BMP7: variants seen among roughly 807,000 people sequenced by gnomAD.
BMP7 encodes osteogenic protein 1.
A neutral mutation model predicts 41.2 loss-of-function variants in BMP7; 12 were observed. The observed-to-expected ratio is 0.29, with a 90% CI of 0.19 to 0.47. The LOEUF is 0.47. Among genes scored for constraint, BMP7 ranks in the 20% least tolerant of loss-of-function variants. The pLI is 0.99. For synonymous variants in BMP7, 248 were observed against 250.0 expected (o/e 0.99, Z 0.07); for missense variants, 467 against 606.0 (o/e 0.77, Z 2.41).
At chr20:57,194,086 C>T (rs1241681836) in intron 3 of BMP7, among the ~76,000 whole-genome samples, 1 of 152,050 alleles carries the variant, frequency 6.6e-6, no homozygotes, top group Non-Finnish European at 1.5e-5. Flanking sequence ...CTGCAGGCTT[C>T]TCAGAAGTGT....
At chr20:57,216,580 T>C (rs560691101) in intron 2 of BMP7, among the ~76,000 whole-genome samples, 1 of 146,726 alleles carries the variant, frequency 6.8e-6, no homozygotes, top group Admixed American at 6.7e-5. Flanking sequence ...TGAGGGGCTG[T>C]CTCTTGAGGG....
chr20:57,230,346 G>T (rs912667154), intron 1 of BMP7, among the ~76,000 whole-genome samples: 2 of 152,102 alleles, frequency 1.3e-5, no homozygotes, highest in African/African-American at 4.8e-5. Context: ...AGTGAGCCTC[G>T]GGAGGTGACC....
chr20:57,178,419 C>T (rs1913632423), intron 4 of BMP7, among the ~76,000 whole-genome samples: 1 of 152,026 alleles, frequency 6.6e-6, no homozygotes, highest in African/African-American at 2.4e-5. Flanking sequence ...CCAGGGGGAG[C>T]CCAGAGGCCC....
At position 57,228,097 on chromosome 20, in the gene BMP7, A is replaced by G. The variant is rs1214903338; in HGVS notation, c.611+132T>C. The stretch of plus-strand genomic sequence containing the variant: ...GTGACATACACCATACACCTTCTTT[A>G]GAAGGGATAATCTGGTACAGGGCCT... On this transcript the variant is annotated intron_variant, in intron 2 of 6. Coordinates refer to ENST00000395863, the MANE Select transcript of BMP7 (RefSeq NM_001719.3). This position sits in a 1 kb window ranked among gnomAD's most constrained non-coding sequence, Gnocchi z 4.5. The G allele has an allele frequency of 5.8e-6, 6 of 1,033,224 alleles. No homozygotes were observed. Among genetic ancestry groups the G allele is most frequent in the Non-Finnish European group, 9.1e-6 (6 of 661,778 alleles). The allele number at this position is 1,033,224 out of a possible 1,614,324, so 64.0% of individuals were successfully genotyped here.
intron 1 of BMP7, among the ~76,000 whole-genome samples, chr20:57,231,696 G>A (rs1012166027): frequency 1.3e-5 from 2 of 152,248 alleles, no homozygotes; most frequent in African/African-American, 4.8e-5. Context: ...TTTCAGCAGA[G>A]AGGGTTGCTC....
At chr20:57,188,637 A>C (rs1600732216) in intron 3 of BMP7, among the ~76,000 whole-genome samples, 1 of 152,308 alleles carries the variant, frequency 6.6e-6, no homozygotes, top group Non-Finnish European at 1.5e-5. Context: ...TTAAAAAACT[A>C]AAAAGCAAAA....
In BMP7 at chr20:57,265,823, G is replaced by A. The variant is rs1321149914; in HGVS notation, c.300C>T (p.Gly100=). ...CCTTGTAGGGGTAGGAGAAGCCCTG[G>A]CCGCCGGGCCCGCCGCCCTCCTCCA... ...MAVEEGGGPG[G]QGFSYPYKAV... is the part of the protein sequence containing the mutation. The change falls in exon 1 of 7, where the codon GGC becomes GGT. Residue 100 remains glycine (G), a synonymous_variant. Coordinates refer to ENST00000395863, the MANE Select transcript of BMP7 (RefSeq NM_001719.3). The A allele has an allele frequency of 6.2e-7, 1 of 1,607,072 alleles. No homozygotes were observed. Among genetic ancestry groups the A allele is most frequent in the Admixed American group, 1.7e-5 (1 of 59,268 alleles).
rs2066154818 is a variant in BMP7 at position 57,261,662 on chromosome 20, T to C, written c.418+4043A>G. Among the ~76,000 whole-genome samples the C allele has an allele frequency of 6.6e-6, 1 of 152,188 alleles. No homozygotes were observed. Among genetic ancestry groups the C allele is most frequent in the African/African-American group, 2.4e-5 (1 of 41,436 alleles). On this transcript the variant is annotated intron_variant, in intron 1 of 6. Transcript: ENST00000395863. This position sits in a 1 kb window ranked among gnomAD's most constrained non-coding sequence, Gnocchi z 4.1. Reference sequence around the variant, plus strand: ...GAAGGGGGGAGCTGTGTGACATCTATATTAACCTTTGGCTGCTCACCAGTG... The same window carrying C: ...GAAGGGGGGAGCTGTGTGACATCTACATTAACCTTTGGCTGCTCACCAGTG...
At chr20:57,183,625 G>A in intron 4 of BMP7, 97 bp downstream of exon 4, 1 of 1,491,862 alleles carries the variant, frequency 6.7e-7, no homozygotes, top group Non-Finnish European at 9.3e-7. Flanking sequence ...CATCTGGTGA[G>A]CACCTGAATG....
chr20:57,176,750 T>TCTCACACACA (rs1491171120), intron 4 of BMP7, among the ~76,000 whole-genome samples: 22 of 135,406 alleles, frequency 1.6e-4, no homozygotes, highest in African/African-American at 4.8e-4. Flanking sequence ...CATTCTCCAT[T>TCTCACACACA]CACACACACA....
At chr20:57,260,074 T>C (rs531128134) in intron 1 of BMP7, among the ~76,000 whole-genome samples, 1 of 152,146 alleles carries the variant, frequency 6.6e-6, no homozygotes, top group African/African-American at 2.4e-5. Context: ...CTATAAACTG[T>C]TTCAGGGATT....
At chr20:57,211,209 C>T (rs896069654) in intron 2 of BMP7, among the ~76,000 whole-genome samples, 3 of 152,246 alleles carry the variant, frequency 2.0e-5, no homozygotes, top group Non-Finnish European at 4.4e-5. Context: ...CAGTACAATC[C>T]GCATCCCCAC....
chr20:57,219,307 TGGGA>T (rs1439534947), intron 2 of BMP7, among the ~76,000 whole-genome samples: 8 of 125,738 alleles, frequency 6.4e-5, no homozygotes, highest in African/African-American at 4.1e-4. Context: ...GCAAGGTAAG[TGGGA>T]AGGTGGGAAG....
At chr20:57,244,388 C>T (rs1293452428) in intron 1 of BMP7, among the ~76,000 whole-genome samples, 3 of 152,248 alleles carry the variant, frequency 2.0e-5, no homozygotes, top group Non-Finnish European at 2.9e-5. Flanking sequence ...TTGCTGGGCA[C>T]TCAGCAGCTT....
In BMP7 at chr20:57,214,582, G is replaced by T. The variant is rs150640867; in HGVS notation, c.612-11959C>A. Among the ~76,000 whole-genome samples, 2 of 152,020 alleles carry T rather than the reference G, an allele frequency of 1.3e-5. No homozygotes were observed. The highest frequency in any genetic ancestry group is 1.3e-4 in the Admixed American group (2 of 15,270). On this transcript the variant is annotated intron_variant, in intron 2 of 6. Transcript: ENST00000395863. This position sits in a 1 kb window ranked among gnomAD's most constrained non-coding sequence, Gnocchi z 4.0. ...CTGTGCCAGTCTCCAGCCCACCACA[G>T]CCCCTCACACATGCTGTTTCCGCTG...
intron 1 of BMP7, among the ~76,000 whole-genome samples, chr20:57,229,790 C>T (rs2145441): frequency 0.67 from 102,042 of 152,102 alleles, 35,983 homozygotes; most frequent in African/African-American, 0.91. Context: ...TATGGCTGCC[C>T]GGTTCCAAGT....
At position 57,218,279 on chromosome 20, in the gene BMP7, G is replaced by C. The variant is rs180772615; in HGVS notation, c.611+9950C>G. 5.2e-5 allele frequency among the ~76,000 whole-genome samples: 8 copies of C among 152,384 alleles called. No individual in the cohort carries two copies. In the East Asian group the frequency reaches 1.2e-3, roughly 22 times the overall value. On this transcript the variant is annotated intron_variant, in intron 2 of 6. Coordinates refer to ENST00000395863, the MANE Select transcript of BMP7 (RefSeq NM_001719.3). ...AACTCCTAGCCCCTACACCTGACTA[G>C]TTGGGGTTAAACATGGGAACCTGTA...
At position 57,181,802 on chromosome 20, in the gene BMP7, A is replaced by C. The variant is rs537695965; in HGVS notation, c.958+1920T>G. 1.1e-4 allele frequency among the ~76,000 whole-genome samples: 16 copies of C among 152,256 alleles called. No individual in the cohort carries two copies. The South Asian group carries it at 3.3e-3, about 32-fold the overall frequency. On this transcript the variant is annotated intron_variant, in intron 4 of 6. Coordinates refer to ENST00000395863, the MANE Select transcript of BMP7 (RefSeq NM_001719.3). ...CTTACATGGCTCCAACCACAGCTCA[A>C]AAAGGCTCTCTCCTATAAGGACCGA...
At chr20:57,258,696 C>T (rs542793532) in intron 1 of BMP7, among the ~76,000 whole-genome samples, 2 of 152,286 alleles carry the variant, frequency 1.3e-5, no homozygotes, top group South Asian at 2.1e-4. Context: ...CTCTATTCAT[C>T]CTCAAATAAG....
Sources: allele counts gnomAD v4.1 joint callset (sites outside exome capture counted in the v4.1 genomes callset), GRCh38; gene constraint gnomAD v4.1.1; non-coding constraint Gnocchi (gnomAD v3.1); transcripts MANE v1.5; gene names NCBI Gene and HGNC (gene_info 2026-07-23, HGNC 2026-07-21).